Variants in TTLL9 observed in about 807,000 individuals in gnomAD.
TTLL9 encodes the protein probable tubulin polyglutamylase TTLL9.
TTLL9 carries 47 observed loss-of-function variants against 65.6 expected under a neutral mutation model. The observed-to-expected ratio is 0.72, with a 90% CI of 0.57 to 0.91. The LOEUF (loss-of-function observed/expected upper bound fraction) is 0.91, where lower values mean the gene tolerates loss of function less well. Ranked by LOEUF, TTLL9 falls within the 40% of genes least tolerant of loss-of-function variation. TTLL9 has a pLI of 0.00. For missense variants in TTLL9, 537 were observed against 568.8 expected, an observed-to-expected ratio of 0.94 and a Z score of 0.57; for synonymous variants, 179 against 204.8, an observed-to-expected ratio of 0.87 and a Z score of 1.07.
At chr20:31,927,480 C>CAAAAA (rs777895091) in intron 10 of TTLL9, among the ~76,000 whole-genome samples, 36 of 54,084 alleles carry the variant, frequency 6.7e-4, no homozygotes, top group South Asian at 9.3e-4. Context: ...GACTCTGTCT[C>CAAAAA]AAAAAAAAAA....
intron 5 of TTLL9, among the ~76,000 whole-genome samples, chr20:31,909,286 G>A (rs1204342484): frequency 1.3e-5 from 2 of 151,810 alleles, no homozygotes; most frequent in Non-Finnish European, 2.9e-5. Context: ...TGAGATTACA[G>A]GTGCTCACCA....
intron 3 of TTLL9, among the ~76,000 whole-genome samples, chr20:31,895,355 G>T (rs73102603): frequency 0.018 from 2,783 of 152,266 alleles, 43 homozygotes; most frequent in Non-Finnish European, 0.025. Flanking sequence ...TTGGGCCTGA[G>T]AAACCGTGTC....
At chr20:31,932,920 C>T (rs1022165853) in intron 10 of TTLL9, among the ~76,000 whole-genome samples, 12 of 152,100 alleles carry the variant, frequency 7.9e-5, no homozygotes, top group Admixed American at 5.2e-4. Context: ...CGCTTGAGCT[C>T]GGGAGGCGGA....
rs1379371662 is a variant in TTLL9, at chr20:31,939,364, A to C, written c.1243+98A>C. 6.5e-6 allele frequency: 9 copies of C among 1,388,360 alleles called. No homozygotes were observed. In the Admixed American group the frequency reaches 2.0e-4, roughly 31 times the overall value. 86.0% of individuals were successfully genotyped at this position (1,388,360 alleles called of 1,614,324 possible). A position where few individuals can be genotyped will look rare whatever the true frequency, so the allele number is the denominator to read the frequency against. The stretch of plus-strand genomic sequence containing the variant: ...CTTGGGATAGTGGTTAGATTGTTTG[A>C]ATTCAATCTGCAACTTACCAGCTGT... On this transcript the variant is annotated intron_variant, in intron 14 of 14. Coordinates refer to ENST00000535842, the MANE Select transcript of TTLL9 (RefSeq NM_001008409.5).
At chr20:31,936,700 A>G (rs2123635783) in intron 12 of TTLL9, among the ~76,000 whole-genome samples, 1 of 152,272 alleles carries the variant, frequency 6.6e-6, no homozygotes, top group African/African-American at 2.4e-5. Flanking sequence ...TTCACTAAGA[A>G]AGGGAAGTTT....
intron 3 of TTLL9, among the ~76,000 whole-genome samples, chr20:31,889,234 C>T (rs1477285766): frequency 6.6e-6 from 1 of 152,050 alleles, no homozygotes; most frequent in Non-Finnish European, 1.5e-5. Context: ...TACAGTGGTT[C>T]AATAATGTCA....
chr20:31,924,427 C>G (rs996222501), intron 8 of TTLL9, among the ~76,000 whole-genome samples: 1 of 152,164 alleles, frequency 6.6e-6, no homozygotes, highest in African/African-American at 2.4e-5. Flanking sequence ...TGCCCAAGAT[C>G]CTGCACCACT....
At position 31,879,680 on chromosome 20, in the gene TTLL9, C is replaced by A. The variant is rs1052962105; in HGVS notation, c.70-7516C>A. The A allele has an allele frequency of 9.5e-6, 7 of 737,732 alleles. No individual in the cohort carries two copies. The African/African-American group carries it at 1.1e-4, about 11-fold the overall frequency. The allele number at this position is 737,732 out of a possible 1,614,324, so 45.7% of individuals were successfully genotyped here. On this transcript the variant is annotated intron_variant, in intron 2 of 14. Coordinates refer to ENST00000535842, the MANE Select transcript of TTLL9 (RefSeq NM_001008409.5). ...GCTGGAAAAGAAAGGTTGAGGAAGT[C>A]GGGGGACCTAGGCTGCCAGGACGCC...
chr20:31,899,073 A>G (rs533766723), intron 4 of TTLL9, among the ~76,000 whole-genome samples: 1 of 152,332 alleles, frequency 6.6e-6, no homozygotes, highest in Admixed American at 6.5e-5. Flanking sequence ...AGTAGGTGCT[A>G]TTAGTTATGG....
In TTLL9 at chr20:31,944,894, T is replaced by A. The variant is rs1285787923; in HGVS notation, c.*1873T>A. On this transcript the variant is annotated 3_prime_UTR_variant, in exon 15 of 15. Transcript: ENST00000535842. ...GCAAGAACCATGTTCATAGGTTGTA[T>A]TCTAAATGGAGTGGCGTGCCCTTAC... is the stretch of plus-strand genomic sequence containing the variant. The A allele has an allele frequency of 6.6e-6, 1 of 152,250 alleles. No individual in the cohort carries two copies. Among genetic ancestry groups the A allele is most frequent in the Non-Finnish European group, 1.5e-5 (1 of 68,050 alleles). 9.4% of individuals were successfully genotyped at this position (152,250 alleles called of 1,614,324 possible).
At chr20:31,901,675 C>A (rs2063482256) in intron 4 of TTLL9, among the ~76,000 whole-genome samples, 4 of 152,184 alleles carry the variant, frequency 2.6e-5, no homozygotes. Context: ...ACCTCAGGGC[C>A]CCAGTCCCTG....
At chr20:31,909,599 G>A (rs968486325) in intron 5 of TTLL9, 138 bp from the exon 6 acceptor site, 2 of 706,274 alleles carry the variant, frequency 2.8e-6, no homozygotes, top group African/African-American at 1.8e-5. Flanking sequence ...GCTCTTTCTG[G>A]GTCAAAGTTA....
intron 3 of TTLL9, among the ~76,000 whole-genome samples, chr20:31,890,896 G>T (rs2063299865): frequency 6.6e-6 from 1 of 152,244 alleles, no homozygotes; most frequent in Non-Finnish European, 1.5e-5. Context: ...AGCATCGAAG[G>T]TGCTGGCAGT....
intron 3 of TTLL9, among the ~76,000 whole-genome samples, chr20:31,895,044 AT>A (rs148779471): frequency 2.2e-4 from 34 of 152,332 alleles, no homozygotes; most frequent in African/African-American, 8.2e-4. Flanking sequence ...ACATAAAAAA[AT>A]AGAGACAAAT....
chr20:31,928,758 G>A (rs572036137), intron 10 of TTLL9, among the ~76,000 whole-genome samples: 1 of 152,278 alleles, frequency 6.6e-6, no homozygotes, highest in South Asian at 2.1e-4. Context: ...AGATGATTAA[G>A]TGAAAAACAA....
chr20:31,938,032 TTC>T (rs1217591060), intron 13 of TTLL9: 6 of 387,748 alleles, frequency 1.5e-5, no homozygotes, highest in Non-Finnish European at 2.1e-5. Flanking sequence ...CTCTCTCTCT[TTC>T]TCTCTCTCTG....
At chr20:31,877,718 A>T (rs1005868005) in intron 2 of TTLL9, among the ~76,000 whole-genome samples, 4 of 151,616 alleles carry the variant, frequency 2.6e-5, no homozygotes, top group African/African-American at 7.3e-5. Context: ...ATACACACAC[A>T]CTCTCTCCTG....
intron 3 of TTLL9, among the ~76,000 whole-genome samples, chr20:31,895,021 T>G (rs769713399): frequency 2.6e-5 from 4 of 152,044 alleles, no homozygotes; most frequent in Non-Finnish European, 5.9e-5. Flanking sequence ...CAACTCCAGT[T>G]TTTCATCCAT....
chr20:31,938,879 A>G (rs964716331), intron 13 of TTLL9, among the ~76,000 whole-genome samples: 1 of 152,190 alleles, frequency 6.6e-6, no homozygotes, highest in African/African-American at 2.4e-5. Context: ...TCTGTCTCAA[A>G]ACAAGAACAA....
Sources: gnomAD v4.1 joint callset for allele counts (sites outside exome capture counted in the v4.1 genomes callset) on GRCh38, gnomAD v4.1.1 for gene constraint, MANE v1.5 for transcripts, NCBI Gene and HGNC (gene_info 2026-07-23, HGNC 2026-07-21) for gene names.